Variants in FBXL7 observed in about 807,000 individuals in gnomAD.
FBXL7 encodes the protein F-box and leucine rich repeat protein 7.
A neutral mutation model predicts 38.3 loss-of-function variants in FBXL7; 12 were observed. The ratio of observed to expected loss-of-function variants is 0.31; its 90% CI spans 0.20 to 0.51. The LOEUF is 0.51. FBXL7 is among the 20% of genes least tolerant of loss of function. FBXL7 has a pLI of 0.98. For missense variants in FBXL7, 567 were observed against 676.4 expected (o/e 0.84, Z 1.79); for synonymous variants, 297 against 300.9 (o/e 0.99, Z 0.13).
At chr5:15,583,987 C>T (rs1390308365) in intron 1 of FBXL7, among the ~76,000 whole-genome samples, 1 of 152,208 alleles carries the variant, frequency 6.6e-6, no homozygotes, top group African/African-American at 2.4e-5. Context: ...CTTGGCTTCT[C>T]TGCACCCACA....
At chr5:15,918,181 A>G (rs939619828) in intron 2 of FBXL7, among the ~76,000 whole-genome samples, 2 of 151,790 alleles carry the variant, frequency 1.3e-5, no homozygotes, top group Non-Finnish European at 2.9e-5. Flanking sequence ...AGAGGTTGCA[A>G]TGAGCTGAGA....
chr5:15,654,585 A>G (rs1174679192), intron 2 of FBXL7, among the ~76,000 whole-genome samples: 5 of 152,164 alleles, frequency 3.3e-5, no homozygotes, highest in African/African-American at 1.2e-4. Flanking sequence ...CGAATTTAGT[A>G]CCTGAAAGAT....
chr5:15,652,450 TAG>T (rs2126572012), intron 2 of FBXL7, among the ~76,000 whole-genome samples: 1 of 152,268 alleles, frequency 6.6e-6, no homozygotes, highest in African/African-American at 2.4e-5. Context: ...GTGTTTTTTG[TAG>T]AGATGGGCTT....
chr5:15,819,897 TC>T (rs758391593), intron 2 of FBXL7, among the ~76,000 whole-genome samples: 11 of 152,122 alleles, frequency 7.2e-5, no homozygotes, highest in Non-Finnish European at 1.6e-4. Flanking sequence ...TGGTGGTTGT[TC>T]ATCTTCAGTG....
chr5:15,736,882 G>A (rs1253183903), intron 2 of FBXL7, among the ~76,000 whole-genome samples: 1 of 152,190 alleles, frequency 6.6e-6, no homozygotes, highest in African/African-American at 2.4e-5. Context: ...CATGACTACT[G>A]AGAGTTGGAC....
intron 2 of FBXL7, among the ~76,000 whole-genome samples, chr5:15,733,607 G>C (rs1735671133): frequency 6.6e-6 from 1 of 152,230 alleles, no homozygotes; most frequent in Non-Finnish European, 1.5e-5. Context: ...TATAAAAGGG[G>C]CAGAGGCCAG....
intron 1 of FBXL7, among the ~76,000 whole-genome samples, chr5:15,602,980 C>T (rs1739851707): frequency 6.6e-6 from 1 of 152,114 alleles, no homozygotes; most frequent in African/African-American, 2.4e-5. Context: ...ACTACAGGTG[C>T]ACACCGTCAC....
At chr5:15,575,537 A>G (rs1225625166) in intron 1 of FBXL7, among the ~76,000 whole-genome samples, 1 of 152,178 alleles carries the variant, frequency 6.6e-6, no homozygotes, top group Non-Finnish European at 1.5e-5. Flanking sequence ...TGGCCATTTT[A>G]TTTTAGATTA....
chr5:15,680,529 G>A (rs1387392478), intron 2 of FBXL7, among the ~76,000 whole-genome samples: 1 of 152,076 alleles, frequency 6.6e-6, no homozygotes, highest in Non-Finnish European at 1.5e-5. Context: ...TTTATCAGTT[G>A]GTTAAGTGTT....
chr5:15,524,081 C>A (rs2126379307), intron 1 of FBXL7, among the ~76,000 whole-genome samples: 1 of 152,116 alleles, frequency 6.6e-6, no homozygotes, highest in Admixed American at 6.5e-5. Context: ...GTTATCTAAC[C>A]AAATAAGGAC....
intron 2 of FBXL7, among the ~76,000 whole-genome samples, chr5:15,911,606 T>G (rs1339197371): frequency 5.1e-4 from 41 of 80,308 alleles, no homozygotes; most frequent in Non-Finnish European, 7.9e-4. Flanking sequence ...GCGCTCTGCG[T>G]TTTAGAGTTT....
intron 2 of FBXL7, among the ~76,000 whole-genome samples, chr5:15,634,489 T>C (rs1364630546): frequency 7.4e-6 from 1 of 134,996 alleles, no homozygotes; most frequent in Non-Finnish European, 1.6e-5. Context: ...GCCTGGCTAA[T>C]TTTTGTATTT....
At chr5:15,757,801 A>G (rs1736336886) in intron 2 of FBXL7, among the ~76,000 whole-genome samples, 1 of 152,168 alleles carries the variant, frequency 6.6e-6, no homozygotes. Flanking sequence ...CAGAAATCTC[A>G]AAGGGCTGAA....
chr5:15,618,419 T>A (rs1186031398), intron 2 of FBXL7, among the ~76,000 whole-genome samples: 1 of 152,194 alleles, frequency 6.6e-6, no homozygotes, highest in East Asian at 1.9e-4. Flanking sequence ...TTGCTGTAGT[T>A]TTTTTAATCA....
At chr5:15,693,268 G>A (rs1743234910) in intron 2 of FBXL7, among the ~76,000 whole-genome samples, 1 of 152,116 alleles carries the variant, frequency 6.6e-6, no homozygotes. Context: ...GGCGATGGTG[G>A]ATGCCACCAG....
intron 2 of FBXL7, among the ~76,000 whole-genome samples, chr5:15,851,353 C>G (rs1739088261): frequency 6.6e-6 from 1 of 152,154 alleles, no homozygotes; most frequent in African/African-American, 2.4e-5. Flanking sequence ...TTGTCAGAAT[C>G]ACTCATACAA....
intron 1 of FBXL7, among the ~76,000 whole-genome samples, chr5:15,574,574 C>T (rs924274356): frequency 6.6e-6 from 1 of 152,156 alleles, no homozygotes; most frequent in Non-Finnish European, 1.5e-5. Flanking sequence ...CCAGTAGCTT[C>T]GTTATTCATG....
At position 15,931,410 on chromosome 5, in the gene FBXL7, C is replaced by G. The variant is rs80299718; in HGVS notation, c.739+2909C>G. On this transcript the variant is annotated intron_variant, in intron 3 of 3. Transcript: ENST00000504595. ...ATCCTTTTTTCTCCCCCTAATCCTA[C>G]CCAACCAGTAGAGTCCTGTTCAGGT... 5.3e-3 allele frequency among the ~76,000 whole-genome samples: 803 copies of G among 152,224 alleles called. 4 individuals carry two copies. Among genetic ancestry groups the G allele is most frequent in the African/African-American group, 0.018 (756 of 41,540 alleles).
chr5:15,705,944 A>G (rs1743668774), intron 2 of FBXL7, among the ~76,000 whole-genome samples: 1 of 152,202 alleles, frequency 6.6e-6, no homozygotes, highest in African/African-American at 2.4e-5. Context: ...TTATACTAGA[A>G]AGGGTGAATT....
Sources: gnomAD v4.1 joint callset for allele counts (sites outside exome capture counted in the v4.1 genomes callset) on GRCh38, gnomAD v4.1.1 for gene constraint, MANE v1.5 for transcripts, NCBI Gene and HGNC (gene_info 2026-07-23, HGNC 2026-07-21) for gene names.